The following RIMKLB variants were observed in gnomAD, a reference collection of about 807,000 sequenced individuals.
RIMKLB encodes ribosomal modification protein rimK like family member B.
A neutral mutation model predicts 32.0 loss-of-function variants in RIMKLB; 7 were observed. The observed-to-expected ratio is 0.22, with a 90% CI of 0.12 to 0.41. The LOEUF (loss-of-function observed/expected upper bound fraction) is 0.41, where lower values mean the gene tolerates loss of function less well. RIMKLB is among the 10% of genes least tolerant of loss of function. RIMKLB has a pLI of 1.00. For synonymous variants in RIMKLB, 172 were observed against 185.1 expected, an observed-to-expected ratio of 0.93 and a Z score of 0.57; for missense variants, 289 against 498.7, an observed-to-expected ratio of 0.58 and a Z score of 4.00.
At chr12:8,747,706 A>G (rs1466231445) in intron 2 of RIMKLB, among the ~76,000 whole-genome samples, 3 of 152,148 alleles carry the variant, frequency 2.0e-5, no homozygotes, top group Non-Finnish European at 4.4e-5. Context: ...GCCCACCTAA[A>G]GTAATGAAAT....
chr12:8,776,107 G>C lies in RIMKLB; in HGVS notation c.*2323G>C. The C allele has an allele frequency of 2.0e-6, 2 of 984,330 alleles. No homozygotes were observed. Among genetic ancestry groups the C allele is most frequent in the Non-Finnish European group, 2.4e-6 (2 of 828,928 alleles). 61.0% of individuals were successfully genotyped at this position (984,330 alleles called of 1,614,324 possible). A position where few individuals can be genotyped will look rare whatever the true frequency, so the allele number is the denominator to read the frequency against. On this transcript the variant is annotated 3_prime_UTR_variant, in exon 6 of 6. Transcript: ENST00000535829. ...CACTTTGAATAGTTACATATCACAA[G>C]TATGTAGTTCATGTTTGTGTTGGTG...
intron 1 of RIMKLB, among the ~76,000 whole-genome samples, chr12:8,683,728 T>C (rs1411157263): frequency 1.3e-5 from 2 of 152,154 alleles, no homozygotes; most frequent in East Asian, 1.9e-4. Context: ...TTTAGCAAAG[T>C]AGATGCTTGT....
chr12:8,756,312 T>TA (rs1431407403), intron 5 of RIMKLB, among the ~76,000 whole-genome samples: 2 of 151,742 alleles, frequency 1.3e-5, no homozygotes, highest in African/African-American at 2.4e-5. Flanking sequence ...AAAACAAAAA[T>TA]AAAAAAAATT....
chr12:8,750,788 T>TTACG (rs1948560715), intron 3 of RIMKLB, among the ~76,000 whole-genome samples: 1 of 152,188 alleles, frequency 6.6e-6, no homozygotes, highest in Non-Finnish European at 1.5e-5. Flanking sequence ...CAGGCATAGG[T>TTACG]TACAGGACCA....
chr12:8,720,560 G>A (rs938539299), intron 2 of RIMKLB, among the ~76,000 whole-genome samples: 3 of 152,158 alleles, frequency 2.0e-5, no homozygotes, highest in Non-Finnish European at 2.9e-5. Context: ...GTGTGTGTGC[G>A]ACACGGAGTT....
chr12:8,730,867 G>A (rs1946474499), intron 2 of RIMKLB, among the ~76,000 whole-genome samples: 1 of 151,804 alleles, frequency 6.6e-6, no homozygotes, highest in Admixed American at 6.6e-5. Flanking sequence ...AGCCTTGTAA[G>A]TAGCTGGGAT....
At chr12:8,706,551 A>G (rs1409312400) in intron 1 of RIMKLB, among the ~76,000 whole-genome samples, 1 of 151,384 alleles carries the variant, frequency 6.6e-6, no homozygotes, top group Non-Finnish European at 1.5e-5. Context: ...CCTGGGTTCA[A>G]GCGATTCTCC....
At chr12:8,739,616 A>G (rs747693278) in intron 2 of RIMKLB, among the ~76,000 whole-genome samples, 49 of 152,276 alleles carry the variant, frequency 3.2e-4, no homozygotes, top group Non-Finnish European at 6.5e-4. Flanking sequence ...GGCTATAGGC[A>G]TATGCCATCA....
rs1416866416 is a variant in RIMKLB at position 8,777,172 on chromosome 12, T to G, written c.*3388T>G. 1.0e-6 allele frequency: 1 copy of G among 982,966 alleles called. No homozygotes were observed. The highest frequency in any genetic ancestry group is 1.8e-5 in the African/African-American group (1 of 57,048). The allele number at this position is 982,966 out of a possible 1,614,324, so 60.9% of individuals were successfully genotyped here. On this transcript the variant is annotated 3_prime_UTR_variant, in exon 6 of 6. Transcript: ENST00000535829. ...CTAGGATTTTAAAAAATGTAATATA[T>G]TGCAGGATTTATAACCAGGTTCACT...
chr12:8,684,508 T>C lies in RIMKLB; in HGVS notation n.219+2690T>C, dbSNP rs149042045. 4.6e-5 allele frequency among the ~76,000 whole-genome samples: 7 copies of C among 152,326 alleles called. No individual in the cohort carries two copies. In the East Asian group the frequency reaches 1.4e-3, roughly 29 times the overall value. On this transcript the variant is annotated intron_variant and non_coding_transcript_variant, in intron 1 of 1. Coordinates refer to the RIMKLB transcript ENST00000538758. ...CCTATGTTATCTTTTAGGAGTGGTA[T>C]CTTTTGCATTTTGCATATAGGTCTG... is the stretch of plus-strand genomic sequence containing the variant.
intron 1 of RIMKLB, among the ~76,000 whole-genome samples, chr12:8,685,800 C>T (rs148045360): frequency 9.9e-4 from 150 of 151,730 alleles, no homozygotes; most frequent in Middle Eastern, 3.4e-3. Flanking sequence ...TGTGCCACTA[C>T]GCCCAGCTAT....
At chr12:8,764,327 A>G (rs1193531107) in intron 5 of RIMKLB, among the ~76,000 whole-genome samples, 4 of 152,170 alleles carry the variant, frequency 2.6e-5, no homozygotes, top group African/African-American at 9.7e-5. Context: ...GTAGGGGACA[A>G]TAAACGGGTG....
At chr12:8,756,332 G>A (rs903545073) in intron 5 of RIMKLB, among the ~76,000 whole-genome samples, 4 of 151,844 alleles carry the variant, frequency 2.6e-5, no homozygotes, top group African/African-American at 4.8e-5. Flanking sequence ...TCCTCCAATA[G>A]CTCCCCAGTT....
chr12:8,703,065 C>T (rs1006856066), intron 1 of RIMKLB, among the ~76,000 whole-genome samples: 9 of 152,278 alleles, frequency 5.9e-5, no homozygotes, highest in African/African-American at 2.2e-4. Context: ...ATGGGTGGAT[C>T]ACCTAAGGCC....
chr12:8,694,387 A>ATTTTTTTTTTT (rs769859426), upstream of RIMKLB, among the ~76,000 whole-genome samples: 491 of 119,036 alleles, frequency 4.1e-3, 45 homozygotes, highest in African/African-American at 0.015. Context: ...ATCCTGTTGA[A>ATTTTTTTTTTT]TTTTTTTTCT....
At chr12:8,741,957 C>G (rs1947591570) in intron 2 of RIMKLB, among the ~76,000 whole-genome samples, 1 of 148,188 alleles carries the variant, frequency 6.7e-6, no homozygotes, top group Admixed American at 6.7e-5. Flanking sequence ...GAGTCTTGCT[C>G]TTGTGCAATC....
intron 3 of RIMKLB, 88 bp downstream of exon 3, chr12:8,750,180 A>G (rs1422650640): frequency 8.0e-6 from 6 of 750,194 alleles, no homozygotes; most frequent in South Asian, 1.8e-5. Context: ...AGAACACCTT[A>G]TAGAAGTGTC....
intron 2 of RIMKLB, among the ~76,000 whole-genome samples, chr12:8,719,166 GT>G (rs1193106959): frequency 6.6e-6 from 1 of 152,100 alleles, no homozygotes; most frequent in Non-Finnish European, 1.5e-5. Flanking sequence ...AGTATGTAGT[GT>G]TTTCGTATTA....
At chr12:8,759,833 T>C (rs1259930505) in intron 5 of RIMKLB, among the ~76,000 whole-genome samples, 1 of 152,206 alleles carries the variant, frequency 6.6e-6, no homozygotes, top group East Asian at 1.9e-4. Flanking sequence ...GTTTAGTGTT[T>C]TGCTATTTAG....
Sources: allele counts gnomAD v4.1 joint callset (sites outside exome capture counted in the v4.1 genomes callset), GRCh38; gene constraint gnomAD v4.1.1; transcripts MANE v1.5; gene names NCBI Gene and HGNC (gene_info 2026-07-23, HGNC 2026-07-21).